Variants in UBR1 observed in about 807,000 individuals in gnomAD.
The protein encoded by UBR1 is E3 ubiquitin-protein ligase UBR1.
Under a neutral mutation model 242.1 loss-of-function variants are expected in UBR1, and 102 were observed. The observed-to-expected ratio is 0.42, with a 90% CI of 0.36 to 0.50. The LOEUF (loss-of-function observed/expected upper bound fraction) is 0.50. Among genes scored for constraint, UBR1 ranks in the 20% least tolerant of loss-of-function variants. UBR1 has a pLI of 0.01. For missense variants in UBR1, 1,772 were observed against 2,101.8 expected (o/e 0.84, Z 3.07); for synonymous variants, 675 against 684.8 (o/e 0.99, Z 0.22).
At chr15:42,958,475 A>G (rs1596075016) in intron 43 of UBR1, among the ~76,000 whole-genome samples, 1 of 152,208 alleles carries the variant, frequency 6.6e-6, no homozygotes, top group African/African-American at 2.4e-5. Flanking sequence ...TCTGTAAACT[A>G]GGGATAAAAT....
At chr15:42,975,398 G>A (rs2032272691) in intron 39 of UBR1, among the ~76,000 whole-genome samples, 1 of 151,612 alleles carries the variant, frequency 6.6e-6, no homozygotes, top group African/African-American at 2.4e-5. Flanking sequence ...GTACATCATA[G>A]GTTATTCAAA....
At chr15:43,092,128 T>C (rs2034112610) in intron 1 of UBR1, 2 of 397,400 alleles carry the variant, frequency 5.0e-6, no homozygotes, top group Non-Finnish European at 1.0e-5. Flanking sequence ...AGGCAGAATG[T>C]CTGGGTGCTG....
At chr15:43,103,649 G>A (rs16957431) in intron 1 of UBR1, among the ~76,000 whole-genome samples, 5,967 of 152,222 alleles carry the variant, frequency 0.039, 134 homozygotes, top group South Asian at 0.081. Flanking sequence ...CAGCCTTCAC[G>A]CTTACTAATA....
At chr15:43,077,088 C>T (rs2033914348) in intron 3 of UBR1, among the ~76,000 whole-genome samples, 1 of 129,858 alleles carries the variant, frequency 7.7e-6, no homozygotes. Context: ...GCGCTTCTGC[C>T]CGGCCGCCCC....
chr15:42,965,422 C>G (rs2032089820), intron 41 of UBR1, among the ~76,000 whole-genome samples: 1 of 151,418 alleles, frequency 6.6e-6, no homozygotes, highest in African/African-American at 2.4e-5. Flanking sequence ...TCTAGTAGGC[C>G]TTTCCTAGCA....
rs1424588269 is a variant in UBR1, at chr15:43,075,635, G to A, written c.418-546C>T. On this transcript the variant is annotated intron_variant, in intron 3 of 46. Coordinates refer to ENST00000290650, the MANE Select transcript of UBR1 (RefSeq NM_174916.3). ...TGATAAGATTTTTTTTTTTTTTTGA[G>A]ATGGAGTTTCGCTTTTGTTGCCCAG... Among the ~76,000 whole-genome samples the A allele has an allele frequency of 6.7e-5, 10 of 148,316 alleles. No homozygotes were observed. In the East Asian group the frequency reaches 1.8e-3, roughly 26 times the overall value.
intron 25 of UBR1, among the ~76,000 whole-genome samples, chr15:43,023,163 A>G (rs2033132390): frequency 6.6e-6 from 1 of 152,216 alleles, no homozygotes; most frequent in Non-Finnish European, 1.5e-5. Context: ...ATGGGCCACC[A>G]TGCCTAGCAA....
intron 42 of UBR1, among the ~76,000 whole-genome samples, chr15:42,960,909 C>T (rs1449471282): frequency 2.0e-5 from 3 of 151,630 alleles, no homozygotes; most frequent in African/African-American, 7.3e-5. Context: ...AGCTGGCACT[C>T]GCCACCACAC....
chr15:43,059,621 T>C, intron 8 of UBR1, 81 bp downstream of exon 8: 2 of 1,403,560 alleles, frequency 1.4e-6, no homozygotes, highest in Admixed American at 2.0e-5. Context: ...CTTTATTTCA[T>C]ACTCAATGAC....
chr15:43,062,926 G>A (rs1442878708), intron 6 of UBR1, among the ~76,000 whole-genome samples: 3 of 152,086 alleles, frequency 2.0e-5, no homozygotes, highest in African/African-American at 7.2e-5. Flanking sequence ...ATTTCCAAGT[G>A]ATTTCTAATA....
chr15:42,960,997 T>C (rs2032006954), intron 42 of UBR1, among the ~76,000 whole-genome samples: 1 of 152,034 alleles, frequency 6.6e-6, no homozygotes, highest in African/African-American at 2.4e-5. Context: ...TGACCTCAAG[T>C]GATCCGCCCG....
chr15:43,004,842 C>T (rs1419687514), intron 30 of UBR1, among the ~76,000 whole-genome samples: 1 of 151,802 alleles, frequency 6.6e-6, no homozygotes, highest in Non-Finnish European at 1.5e-5. Context: ...GGCCGCCCAT[C>T]GTCTGGGATG....
intron 29 of UBR1, among the ~76,000 whole-genome samples, chr15:43,009,216 A>G (rs2141291021): frequency 6.6e-6 from 1 of 152,344 alleles, no homozygotes; most frequent in African/African-American, 2.4e-5. Context: ...GGGGCTTCAC[A>G]GTTTCTGGCA....
intron 31 of UBR1, 54 bp downstream of exon 31, chr15:43,003,783 G>A (rs1336123801): frequency 1.3e-6 from 2 of 1,555,186 alleles, no homozygotes; most frequent in Non-Finnish European, 8.9e-7. Context: ...GTGGCCTTGA[G>A]TGAACTTCAA....
intron 20 of UBR1, among the ~76,000 whole-genome samples, 199 bp downstream of exon 20, chr15:43,032,369 C>G (rs1258309775): frequency 6.6e-6 from 1 of 151,950 alleles, no homozygotes; most frequent in Non-Finnish European, 1.5e-5. Flanking sequence ...ATTTTTAGCA[C>G]TAAAGGACCT....
At position 43,071,389 on chromosome 15, in the gene UBR1, T is replaced by C. The variant is rs182525817; in HGVS notation, c.529-464A>G. Among the ~76,000 whole-genome samples, 237 of 152,312 alleles carry C rather than the reference T, an allele frequency of 1.6e-3. 1 individual carries two copies. Among genetic ancestry groups the C allele is most frequent in the Non-Finnish European group, 7.8e-4 (53 of 68,024 alleles). ...GACAAATACTATATGATTCTGCTCATACGAAGTATCTAAAGTAGTCATAAT... is the reference window on the plus strand; with the variant it reads ...GACAAATACTATATGATTCTGCTCACACGAAGTATCTAAAGTAGTCATAAT... On this transcript the variant is annotated intron_variant, in intron 4 of 46. Coordinates refer to ENST00000290650, the MANE Select transcript of UBR1 (RefSeq NM_174916.3).
chr15:42,992,417 A>C (rs1252953015), intron 33 of UBR1, among the ~76,000 whole-genome samples: 1 of 152,218 alleles, frequency 6.6e-6, no homozygotes, highest in Non-Finnish European at 1.5e-5. Context: ...GAACAGTTTT[A>C]AAGTGTTTTA....
At chr15:42,991,275 C>CA (rs755640484) in intron 33 of UBR1, among the ~76,000 whole-genome samples, 6,016 of 142,098 alleles carry the variant, frequency 0.042, 279 homozygotes, top group African/African-American at 0.12. Flanking sequence ...CACGCCATCT[C>CA]AAAAAAAAAA....
chr15:43,053,669 T>A (rs1450820221), intron 12 of UBR1, among the ~76,000 whole-genome samples: 22 of 152,190 alleles, frequency 1.4e-4, no homozygotes. Context: ...CACAGTTTAC[T>A]GTAACCTCAA....
Sources: gnomAD v4.1 joint callset for allele counts (sites outside exome capture counted in the v4.1 genomes callset) on GRCh38, gnomAD v4.1.1 for gene constraint, MANE v1.5 for transcripts, NCBI Gene and HGNC (gene_info 2026-07-23, HGNC 2026-07-21) for gene names.